Variants in STON1 observed in about 807,000 individuals in gnomAD.
STON1 encodes the protein stonin 1.
STON1 carries 79 observed loss-of-function variants against 60.9 expected under a neutral mutation model. The observed-to-expected ratio is 1.30, with a 90% CI of 1.08 to 1.56. STON1 has a LOEUF of 1.56. Among genes scored for constraint, STON1 ranks in the 40% most tolerant of loss-of-function variants. The pLI is 0.00. For missense variants in STON1, 1,166 were observed against 858.9 expected (o/e 1.36, Z -4.47); for synonymous variants, 363 against 306.9 (o/e 1.18, Z -1.91).
At chr2:48,536,322 C>G (rs1486802374) in intron 1 of STON1, among the ~76,000 whole-genome samples, 3 of 151,994 alleles carry the variant, frequency 2.0e-5, no homozygotes, top group Non-Finnish European at 4.4e-5. Context: ...CCAAGGTGGG[C>G]AGATCACCTG....
intron 1 of STON1, among the ~76,000 whole-genome samples, chr2:48,573,118 C>G (rs1432837489): frequency 1.3e-5 from 2 of 152,146 alleles, no homozygotes; most frequent in Admixed American, 6.5e-5. Context: ...CAAGGGGAGG[C>G]AAGACAGTGG....
At chr2:48,572,496 A>G (rs900286966) in intron 1 of STON1, among the ~76,000 whole-genome samples, 1 of 152,168 alleles carries the variant, frequency 6.6e-6, no homozygotes, top group East Asian at 1.9e-4. Flanking sequence ...TTGCTTTTAA[A>G]AAATTCAGGG....
In STON1 at chr2:48,564,476, CTTCT is replaced by C. The variant is rs1558604690; in HGVS notation, c.-47-16105_-47-16102del. ...TCTTCTTCTTCTTCTTCTTCTTCTT[CTTCT>C]TTCTTCTTCTTCTTCTTCTTCTTCT... On this transcript the variant is annotated intron_variant, in intron 1 of 3. Coordinates refer to ENST00000404752, the MANE Select transcript of STON1 (RefSeq NM_006873.4). Among the ~76,000 whole-genome samples the C allele has an allele frequency of 7.3e-4, 37 of 50,386 alleles. 3 individuals carry two copies. The highest frequency in any genetic ancestry group is 2.5e-3 in the African/African-American group (32 of 12,942). The allele number at this position is 50,386 out of a possible 152,430, so 33.1% of individuals were successfully genotyped here.
Position 48,591,737 on chromosome 2 carries a change from C to T in STON1, c.2015C>T (p.Thr672Ile), listed in dbSNP as rs778701923. Residue 672 changes from threonine (T) to isoleucine (I), a missense_variant, in exon 3 of 4, where the codon ACT becomes ATT. Transcript: ENST00000404752. ...CCCTCTGATTGGTATCCATTTGCTA[C>T]TGTTCAGTTTTCCGTGCCTGACACC... ...EIPSDWYPFATVQFSVPDTCA... is the reference protein window; with the variant it reads ...EIPSDWYPFAIVQFSVPDTCA... The T allele has an allele frequency of 5.0e-6, 8 of 1,614,042 alleles. No individual in the cohort carries two copies. The highest frequency in any genetic ancestry group is 1.7e-5 in the Admixed American group (1 of 59,994).
At chr2:48,576,014 T>C (rs1673473778) in intron 1 of STON1, among the ~76,000 whole-genome samples, 1 of 151,602 alleles carries the variant, frequency 6.6e-6, no homozygotes, top group African/African-American at 2.4e-5. Context: ...TGTCTTGGCC[T>C]CCCAAAGTGC....
intron 1 of STON1, among the ~76,000 whole-genome samples, chr2:48,558,618 G>C (rs1672482208): frequency 6.6e-6 from 1 of 152,168 alleles, no homozygotes; most frequent in Admixed American, 6.5e-5. Context: ...AAAGCCAGGT[G>C]GGAGAAATTC....
chr2:48,533,013 G>A (rs963105224), intron 1 of STON1, among the ~76,000 whole-genome samples: 1 of 152,072 alleles, frequency 6.6e-6, no homozygotes, highest in African/African-American at 2.4e-5. Context: ...TAGCACTGTG[G>A]GAAGTGGAGG....
In STON1 at chr2:48,581,515, G is replaced by A. The variant is rs1673885027; in HGVS notation, c.882G>A (p.Trp294Ter). The A allele has an allele frequency of 1.2e-6, 2 of 1,614,196 alleles. No homozygotes were observed. The highest frequency in any genetic ancestry group is 8.5e-7 in the Non-Finnish European group (1 of 1,180,034). ...AGAATATGATGTCTTCCCGGCAATG[G>A]GGACCAATTTTTCTGAAAGTTTTGC... Reference protein sequence around the residue: ...EKKNMMSSRQWGPIFLKVLPG... With the variant: ...EKKNMMSSRQ Residue 294 changes from tryptophan to a stop codon, truncating the protein, a stop_gained, in exon 2 of 4, where the codon TGG becomes TGA. Coordinates refer to ENST00000404752, the MANE Select transcript of STON1 (RefSeq NM_006873.4). LOFTEE classifies it high-confidence loss of function.
At chr2:48,573,863 A>T (rs1458500360) in intron 1 of STON1, among the ~76,000 whole-genome samples, 1 of 152,240 alleles carries the variant, frequency 6.6e-6, no homozygotes, top group Non-Finnish European at 1.5e-5. Context: ...AAGCAGTGAT[A>T]TGTGCTACCA....
chr2:48,564,405 G>GTCTTCTTCTTCTTCTTCCTCTTCTTCT (rs1553359256), intron 1 of STON1, among the ~76,000 whole-genome samples: 25 of 82,938 alleles, frequency 3.0e-4, no homozygotes, highest in African/African-American at 3.3e-4. Flanking sequence ...CAGTGGCGGT[G>GTCTTCTTCTTCTTCTTCCTCTTCTTCT]TCTTCTTCTT....
At chr2:48,571,659 T>A (rs1165055011) in intron 1 of STON1, among the ~76,000 whole-genome samples, 1 of 152,172 alleles carries the variant, frequency 6.6e-6, no homozygotes. Context: ...CCCAATAGGC[T>A]TCTAACAGAC....
At chr2:48,587,059 C>G (rs1674249052) in intron 2 of STON1, among the ~76,000 whole-genome samples, 1 of 152,196 alleles carries the variant, frequency 6.6e-6, no homozygotes, top group African/African-American at 2.4e-5. Flanking sequence ...GTTTCCCAGT[C>G]CTGGCCACAT....
At chr2:48,541,699 CAAAAAA>C (rs71399061) in intron 1 of STON1, among the ~76,000 whole-genome samples, 19 of 60,678 alleles carry the variant, frequency 3.1e-4, no homozygotes, top group Non-Finnish European at 4.6e-4. Flanking sequence ...AACTTCGTCT[CAAAAAA>C]AAAAAAAAAA....
chr2:48,538,103 G>A (rs754109709), intron 1 of STON1, among the ~76,000 whole-genome samples: 40 of 151,760 alleles, frequency 2.6e-4, no homozygotes, highest in African/African-American at 8.2e-4. Context: ...ACAGGCACGC[G>A]CCACCACGTG....
chr2:48,535,615 TG>T (rs1486642516), intron 1 of STON1, among the ~76,000 whole-genome samples: 1 of 150,964 alleles, frequency 6.6e-6, no homozygotes, highest in African/African-American at 2.4e-5. Context: ...GAGGCCGACG[TG>T]GGGGGATCAC....
intron 1 of STON1, among the ~76,000 whole-genome samples, chr2:48,569,948 C>G (rs995190046): frequency 2.6e-5 from 4 of 152,136 alleles, no homozygotes; most frequent in African/African-American, 9.7e-5. Flanking sequence ...TAGAGATAAT[C>G]AATTTGTAAT....
At position 48,596,036 on chromosome 2, in the gene STON1, A is replaced by G. The variant is rs1233031405; in HGVS notation, c.*734A>G. Reference sequence around the variant, plus strand: ...TTCACTTGGCAGGATTCCTTTCAAAATGGAATCTGAGTATTAGACACTAGT... The same window carrying G: ...TTCACTTGGCAGGATTCCTTTCAAAGTGGAATCTGAGTATTAGACACTAGT... On this transcript the variant is annotated 3_prime_UTR_variant, in exon 4 of 4. Coordinates refer to ENST00000404752, the MANE Select transcript of STON1 (RefSeq NM_006873.4). 1 of 152,196 alleles carries G rather than the reference A, an allele frequency of 6.6e-6. No individual in the cohort carries two copies. 9.4% of individuals were successfully genotyped at this position (152,196 alleles called of 1,614,324 possible).
chr2:48,544,246 A>G (rs1483234097), intron 1 of STON1, among the ~76,000 whole-genome samples: 1 of 152,146 alleles, frequency 6.6e-6, no homozygotes, highest in African/African-American at 2.4e-5. Flanking sequence ...GGAGAGGAAA[A>G]GACTATCATG....
In STON1 at chr2:48,578,381, CT is replaced by C. The variant is rs571822671; in HGVS notation, c.-47-2205del. 2.1e-4 allele frequency among the ~76,000 whole-genome samples: 32 copies of C among 152,322 alleles called. No homozygotes were observed. In the South Asian group the frequency reaches 6.4e-3, roughly 31 times the overall value. ...AGTCCAGGACGGCTTTGAATGCTGCCTAACACAAATTTGTAAACTTTCTTAA... is the reference window on the plus strand; with the variant it reads ...AGTCCAGGACGGCTTTGAATGCTGCCAACACAAATTTGTAAACTTTCTTAA... On this transcript the variant is annotated intron_variant, in intron 1 of 3. Transcript: ENST00000404752.
Sources: gnomAD v4.1 joint callset for allele counts (sites outside exome capture counted in the v4.1 genomes callset) on GRCh38, gnomAD v4.1.1 for gene constraint, MANE v1.5 for transcripts, NCBI Gene and HGNC (gene_info 2026-07-23, HGNC 2026-07-21) for gene names.